PDIA5: variants seen among roughly 807,000 people sequenced by gnomAD.
The protein encoded by PDIA5 is protein disulfide-isomerase A5.
Under a neutral mutation model 77.6 loss-of-function variants are expected in PDIA5, and 58 were observed. The observed-to-expected ratio is 0.75, with a 90% CI of 0.61 to 0.93. The LOEUF (loss-of-function observed/expected upper bound fraction) is 0.93, where lower values mean the gene tolerates loss of function less well. Among genes scored for constraint, PDIA5 ranks in the 40% least tolerant of loss-of-function variants. The pLI is 0.00. For missense variants in PDIA5, 630 were observed against 647.7 expected, an observed-to-expected ratio of 0.97 and a Z score of 0.30; for synonymous variants, 250 against 252.1, an observed-to-expected ratio of 0.99 and a Z score of 0.08.
intron 1 of PDIA5, among the ~76,000 whole-genome samples, chr3:123,073,110 A>G (rs1933767742): frequency 6.6e-6 from 1 of 152,208 alleles, no homozygotes. Context: ...GAATTGTCAA[A>G]TCGGATGCAT....
At chr3:123,141,865 C>T (rs1296049099) in intron 11 of PDIA5, among the ~76,000 whole-genome samples, 1 of 152,208 alleles carries the variant, frequency 6.6e-6, no homozygotes, top group Non-Finnish European at 1.5e-5. Flanking sequence ...ACATCTAAGC[C>T]TGGGCCCCTG....
intron 7 of PDIA5, 109 bp from the exon 8 acceptor site, chr3:123,116,122 G>C (rs1934992095): frequency 3.4e-6 from 3 of 878,682 alleles, no homozygotes; most frequent in Non-Finnish European, 3.8e-6. Context: ...GCTTCTCAAG[G>C]CTGGATAAGT....
At chr3:123,133,614 T>C (rs1454123209) in intron 11 of PDIA5, among the ~76,000 whole-genome samples, 1 of 152,252 alleles carries the variant, frequency 6.6e-6, no homozygotes, top group African/African-American at 2.4e-5. Flanking sequence ...GGATACATTG[T>C]GACTGTGAAT....
Position 123,099,785 on chromosome 3 carries a change from C to T in PDIA5, c.258-2626C>T, listed in dbSNP as rs562118031. On this transcript the variant is annotated intron_variant, in intron 3 of 16. Coordinates refer to ENST00000316218, the MANE Select transcript of PDIA5 (RefSeq NM_006810.4). ...ATGGAGGGGTTTCCCACAGAGTGGA[C>T]CAGGATTGGCGTGGAAATGAACCAA... Among the ~76,000 whole-genome samples the T allele has an allele frequency of 6.6e-5, 10 of 152,320 alleles. 1 individual carries two copies. In the South Asian group the frequency reaches 1.4e-3, roughly 22 times the overall value.
At chr3:123,157,761 G>T (rs1483461247) in intron 15 of PDIA5, among the ~76,000 whole-genome samples, 2 of 152,234 alleles carry the variant, frequency 1.3e-5, no homozygotes, top group Non-Finnish European at 2.9e-5. Context: ...GAGCTTACTT[G>T]GGGACTTTAT....
Position 123,143,386 on chromosome 3 carries a change from CA to C in PDIA5, c.911-2118del, listed in dbSNP as rs34525470. 4.4e-3 allele frequency among the ~76,000 whole-genome samples: 451 copies of C among 101,876 alleles called. 2 individuals are homozygous for C. Among genetic ancestry groups the C allele is most frequent in the African/African-American group, 0.013 (353 of 26,696 alleles). 66.8% of individuals were successfully genotyped at this position (101,876 alleles called of 152,430 possible). On this transcript the variant is annotated intron_variant, in intron 11 of 16. Transcript: ENST00000316218. ...TGGGTGACAGAGCGAGACTCCATCT[CA>C]AAAAAAAAAAAAAAAAAGAGAGGCA...
intron 11 of PDIA5, among the ~76,000 whole-genome samples, chr3:123,138,122 T>C (rs942466464): frequency 3.9e-5 from 6 of 152,036 alleles, no homozygotes; most frequent in Non-Finnish European, 8.8e-5. Context: ...ATTTTTTAAA[T>C]TTTTATAGCA....
At chr3:123,139,317 A>G (rs558676077) in intron 11 of PDIA5, among the ~76,000 whole-genome samples, 1 of 152,202 alleles carries the variant, frequency 6.6e-6, no homozygotes, top group African/African-American at 2.4e-5. Flanking sequence ...CGCCAGCTCT[A>G]TCCATCACCC....
intron 11 of PDIA5, among the ~76,000 whole-genome samples, chr3:123,137,236 C>T (rs976096777): frequency 6.6e-6 from 1 of 152,190 alleles, no homozygotes; most frequent in Admixed American, 6.5e-5. Context: ...GGCAAAACAG[C>T]AACTTGTCTG....
chr3:123,123,555 G>A (rs575625000), intron 8 of PDIA5, among the ~76,000 whole-genome samples: 10 of 152,314 alleles, frequency 6.6e-5, no homozygotes, highest in South Asian at 2.1e-4. Flanking sequence ...GTTTGGAAAC[G>A]TCACACTCAA....
chr3:123,116,072 C>T (rs1468187299), intron 7 of PDIA5, among the ~76,000 whole-genome samples, 159 bp from the exon 8 acceptor site: 5 of 152,216 alleles, frequency 3.3e-5, no homozygotes, highest in Admixed American at 6.5e-5. Context: ...ACGCCCACCT[C>T]CTGTTCCTTT....
At chr3:123,092,963 A>G (rs1051618405) in intron 3 of PDIA5, among the ~76,000 whole-genome samples, 17 of 152,208 alleles carry the variant, frequency 1.1e-4, no homozygotes, top group African/African-American at 3.6e-4. Context: ...AGGCCTATAA[A>G]GGTCTTCTAA....
chr3:123,083,768 G>A (rs996716233), intron 1 of PDIA5, among the ~76,000 whole-genome samples: 1 of 152,196 alleles, frequency 6.6e-6, no homozygotes, highest in African/African-American at 2.4e-5. Context: ...GACTTATGAA[G>A]TCTGCAGTAA....
chr3:123,081,041 G>A (rs974460808), intron 1 of PDIA5, among the ~76,000 whole-genome samples: 4 of 152,154 alleles, frequency 2.6e-5, no homozygotes, highest in African/African-American at 9.7e-5. Flanking sequence ...GTTTCTAAAA[G>A]TTGCCACATC....
intron 15 of PDIA5, among the ~76,000 whole-genome samples, chr3:123,157,743 C>G (rs577119427): frequency 5.9e-5 from 9 of 152,362 alleles, no homozygotes; most frequent in African/African-American, 2.2e-4. Flanking sequence ...GCCTCCACCC[C>G]CTCCCGGGAG....
At chr3:123,111,094 GA>G (rs1934852957) in intron 7 of PDIA5, 90 bp downstream of exon 7, 1 of 873,492 alleles carries the variant, frequency 1.1e-6, no homozygotes, top group Non-Finnish European at 1.9e-6. Context: ...GGGTCTGGGG[GA>G]TTAGCCTGGG....
At chr3:123,125,836 C>T (rs836855) in intron 10 of PDIA5, among the ~76,000 whole-genome samples, 23,971 of 152,166 alleles carry the variant, frequency 0.16, 2,080 homozygotes, top group Middle Eastern at 0.23. Flanking sequence ...TCATTTCCAG[C>T]CCCTGCCTGG....
chr3:123,099,668 C>A (rs1934532632), intron 3 of PDIA5, among the ~76,000 whole-genome samples: 1 of 152,222 alleles, frequency 6.6e-6, no homozygotes, highest in Non-Finnish European at 1.5e-5. Context: ...GTGCCCCCAG[C>A]TCTACCAGCC....
chr3:123,097,784 G>T (rs1934479221), intron 3 of PDIA5, among the ~76,000 whole-genome samples: 1 of 152,042 alleles, frequency 6.6e-6, no homozygotes, highest in Non-Finnish European at 1.5e-5. Context: ...GGTCCACCTG[G>T]CCAGAAGCTT....
Sources: allele counts gnomAD v4.1 joint callset (sites outside exome capture counted in the v4.1 genomes callset), GRCh38; gene constraint gnomAD v4.1.1; transcripts MANE v1.5; gene names NCBI Gene and HGNC (gene_info 2026-07-23, HGNC 2026-07-21).